Variants in RNLS observed in about 807,000 individuals in gnomAD.
RNLS encodes the protein renalase.
Under a neutral mutation model 39.8 loss-of-function variants are expected in RNLS, and 39 were observed. That is an observed-to-expected ratio of 0.98 (90% CI 0.76 to 1.28). The LOEUF (loss-of-function observed/expected upper bound fraction) is 1.28. Among genes scored for constraint, RNLS ranks in the 50% most tolerant of loss-of-function variants. RNLS has a pLI of 0.00. For missense variants in RNLS, 410 were observed against 413.3 expected (o/e 0.99, Z 0.07); for synonymous variants, 147 against 150.7 (o/e 0.98, Z 0.18).
intron 5 of RNLS, among the ~76,000 whole-genome samples, chr10:88,346,941 G>A (rs542755544): frequency 2.6e-5 from 4 of 152,248 alleles, no homozygotes; most frequent in African/African-American, 9.6e-5. Context: ...ATCTGAAGAG[G>A]AATTCTTGAC....
chr10:88,369,095 A>G (rs1270852042), intron 4 of RNLS, among the ~76,000 whole-genome samples: 1 of 152,160 alleles, frequency 6.6e-6, no homozygotes, highest in African/African-American at 2.4e-5. Flanking sequence ...ATTGATTTCT[A>G]TTAATGGGTG....
At chr10:88,531,833 A>T (rs570739758) in intron 4 of RNLS, among the ~76,000 whole-genome samples, 1 of 152,142 alleles carries the variant, frequency 6.6e-6, no homozygotes, top group South Asian at 2.1e-4. Context: ...TTGTTCTGAG[A>T]TTGAATACCT....
chr10:88,416,571 CAA>C (rs1854042699), intron 4 of RNLS, among the ~76,000 whole-genome samples: 1 of 152,114 alleles, frequency 6.6e-6, no homozygotes. Flanking sequence ...TATTAATTGG[CAA>C]AGTCTATTAG....
At chr10:88,484,381 T>C (rs915425205) in intron 4 of RNLS, among the ~76,000 whole-genome samples, 7 of 152,096 alleles carry the variant, frequency 4.6e-5, no homozygotes, top group Non-Finnish European at 2.9e-5. Context: ...GAATCTGATA[T>C]TTAAATGTGC....
chr10:88,284,967 T>G lies in RNLS; in HGVS notation c.*387A>C. The G allele has an allele frequency of 4.0e-6, 4 of 989,312 alleles. No homozygotes were observed. The highest frequency in any genetic ancestry group is 4.8e-6 in the Non-Finnish European group (4 of 832,620). 61.3% of individuals were successfully genotyped at this position (989,312 alleles called of 1,614,324 possible). A position where few individuals can be genotyped will look rare whatever the true frequency, so the allele number is the denominator to read the frequency against. On this transcript the variant is annotated 3_prime_UTR_variant, in exon 7 of 7. Coordinates refer to ENST00000331772, the MANE Select transcript of RNLS (RefSeq NM_001031709.3). ...CACATCCGAAGACTTAAGATGGGGC[T>G]TTGATAATGTGATTATTCTTTATTC...
chr10:88,247,423 G>A, the RNLS span, among the ~76,000 whole-genome samples: 40 of 152,300 alleles, frequency 2.6e-4, no homozygotes, highest in African/African-American at 9.4e-4. Context: ...AAAATAGAAT[G>A]AGTTCGGAGA....
rs144195290 is a variant in RNLS at position 88,318,929 on chromosome 10, A to T, written c.701-4288T>A. 1.1e-3 allele frequency among the ~76,000 whole-genome samples: 162 copies of T among 152,276 alleles called. 3 individuals carry two copies. The East Asian group carries it at 0.026, about 25-fold the overall frequency. ...TATATCAGGGCAGGTGCTTCCGCTC[A>T]TCATCAATCTACCTGTGGGTGGGCC... On this transcript the variant is annotated intron_variant, in intron 5 of 6. Transcript: ENST00000331772.
intron 4 of RNLS, among the ~76,000 whole-genome samples, chr10:88,543,680 T>G (rs1433404549): frequency 6.6e-6 from 1 of 152,066 alleles, no homozygotes; most frequent in African/African-American, 2.4e-5. Flanking sequence ...TGTCTCAAAA[T>G]AAAATCAACC....
chr10:88,242,369 C>A, the RNLS span, among the ~76,000 whole-genome samples: 5 of 152,158 alleles, frequency 3.3e-5, no homozygotes, highest in Non-Finnish European at 7.4e-5. Flanking sequence ...ATTAAAAATA[C>A]CACAGTAGAA....
At chr10:88,535,185 A>G (rs142890497) in intron 4 of RNLS, among the ~76,000 whole-genome samples, 2 of 152,254 alleles carry the variant, frequency 1.3e-5, no homozygotes, top group African/African-American at 2.4e-5. Flanking sequence ...GGTTACTGCT[A>G]TTTCTTACTG....
At chr10:88,230,711 A>C in the RNLS span, among the ~76,000 whole-genome samples, 1 of 152,078 alleles carries the variant, frequency 6.6e-6, no homozygotes, top group Admixed American at 6.6e-5. Context: ...TATAGCTCCA[A>C]CCTATTATTT....
intron 4 of RNLS, among the ~76,000 whole-genome samples, chr10:88,563,647 A>G (rs1849321838): frequency 6.6e-6 from 1 of 152,178 alleles, no homozygotes; most frequent in African/African-American, 2.4e-5. Context: ...GGAGGATGTG[A>G]GAAGCTTTGT....
At chr10:88,262,216 T>A in the RNLS span, among the ~76,000 whole-genome samples, 1 of 152,094 alleles carries the variant, frequency 6.6e-6, no homozygotes, top group Non-Finnish European at 1.5e-5. Context: ...GGTTTACCAG[T>A]GTCGCACCTA....
intron 4 of RNLS, among the ~76,000 whole-genome samples, chr10:88,551,575 G>C (rs1848603678): frequency 6.6e-6 from 1 of 152,098 alleles, no homozygotes; most frequent in Non-Finnish European, 1.5e-5. Flanking sequence ...TTTGGAGTTT[G>C]TGCTCAAATG....
At chr10:88,466,302 G>A (rs1471201391) in intron 4 of RNLS, among the ~76,000 whole-genome samples, 2 of 152,038 alleles carry the variant, frequency 1.3e-5, no homozygotes, top group Non-Finnish European at 2.9e-5. Context: ...TGAGGGCCGG[G>A]GATAGTATAA....
intron 5 of RNLS, among the ~76,000 whole-genome samples, chr10:88,359,434 C>A (rs778791368): frequency 3.9e-5 from 6 of 152,110 alleles, no homozygotes; most frequent in Non-Finnish European, 5.9e-5. Flanking sequence ...CATTTAGTAC[C>A]CTGGCCCCCA....
intron 4 of RNLS, among the ~76,000 whole-genome samples, chr10:88,511,301 T>C: frequency 6.6e-6 from 1 of 152,098 alleles, no homozygotes; most frequent in East Asian, 1.9e-4. Context: ...AAATGTGAGA[T>C]GTCAAAGAGA....
chr10:88,293,077 T>A (rs1047304042), intron 6 of RNLS, among the ~76,000 whole-genome samples: 1 of 151,438 alleles, frequency 6.6e-6, no homozygotes, highest in Non-Finnish European at 1.5e-5. Context: ...AAAAAAAAAA[T>A]TTTCATCCAC....
At chr10:88,239,419 A>T in the RNLS span, among the ~76,000 whole-genome samples, 1 of 152,188 alleles carries the variant, frequency 6.6e-6, no homozygotes, top group Non-Finnish European at 1.5e-5. Context: ...GAAATATGGC[A>T]TTCCAAAGGT....
Sources: allele counts gnomAD v4.1 joint callset (sites outside exome capture counted in the v4.1 genomes callset), GRCh38; gene constraint gnomAD v4.1.1; transcripts MANE v1.5; gene names NCBI Gene and HGNC (gene_info 2026-07-23, HGNC 2026-07-21).